The following BICC1 variants were observed in gnomAD, a reference collection of about 807,000 sequenced individuals.
BICC1 encodes the protein protein bicaudal C homolog 1.
A neutral mutation model predicts 111.0 loss-of-function variants in BICC1; 43 were observed. The ratio of observed to expected loss-of-function variants is 0.39; its 90% confidence interval spans 0.30 to 0.50. The LOEUF is 0.50. Ranked by LOEUF, BICC1 falls within the 20% of genes least tolerant of loss-of-function variation. BICC1 has a pLI of 0.88. For missense variants in BICC1, 1,091 were observed against 1,203.2 expected (o/e 0.91, Z 1.38); for synonymous variants, 467 against 434.4 (o/e 1.07, Z -0.93).
At chr10:58,651,212 C>A (rs910875006) in intron 2 of BICC1, among the ~76,000 whole-genome samples, 3 of 152,190 alleles carry the variant, frequency 2.0e-5, no homozygotes, top group African/African-American at 7.2e-5. Flanking sequence ...CAAATACTTC[C>A]TCTGCACAGT....
chr10:58,674,052 A>G (rs1288578857), intron 2 of BICC1, among the ~76,000 whole-genome samples: 1 of 152,228 alleles, frequency 6.6e-6, no homozygotes, highest in Non-Finnish European at 1.5e-5. Flanking sequence ...GTTTTGAAAT[A>G]AATCATTTAG....
intron 2 of BICC1, among the ~76,000 whole-genome samples, chr10:58,647,596 A>G (rs890918589): frequency 2.0e-5 from 3 of 152,172 alleles, no homozygotes; most frequent in African/African-American, 7.2e-5. Flanking sequence ...CCTAAAAACC[A>G]TCATCTTCAC....
intron 3 of BICC1, among the ~76,000 whole-genome samples, chr10:58,769,402 GTGTATATATATA>G (rs748110252): frequency 1.1e-4 from 12 of 112,232 alleles, no homozygotes; most frequent in East Asian, 3.1e-4. Context: ...GTGTGTGTGT[GTGTATATATATA>G]TATATATATA....
intron 1 of BICC1, among the ~76,000 whole-genome samples, chr10:58,554,565 A>T (rs1843389988): frequency 6.6e-6 from 1 of 152,084 alleles, no homozygotes; most frequent in Non-Finnish European, 1.5e-5. Flanking sequence ...CTGTGATGTA[A>T]GTCAGGAGCA....
intron 1 of BICC1, among the ~76,000 whole-genome samples, chr10:58,592,037 TATA>T (rs1468162670): frequency 6.6e-6 from 1 of 152,242 alleles, no homozygotes; most frequent in Non-Finnish European, 1.5e-5. Flanking sequence ...CCATACCTTT[TATA>T]ATTTTATAAA....
chr10:58,775,488 T>G (rs1842726859), intron 3 of BICC1, among the ~76,000 whole-genome samples: 1 of 152,214 alleles, frequency 6.6e-6, no homozygotes, highest in South Asian at 2.1e-4. Flanking sequence ...TGTTAGCTCT[T>G]AGGTAACTTT....
At chr10:58,649,623 C>T (rs1838380904) in intron 2 of BICC1, among the ~76,000 whole-genome samples, 1 of 152,176 alleles carries the variant, frequency 6.6e-6, no homozygotes, top group African/African-American at 2.4e-5. Context: ...TAGAGAAGCA[C>T]TGGGAAGCAG....
chr10:58,696,928 C>T (rs935330665), intron 2 of BICC1, among the ~76,000 whole-genome samples: 2 of 152,112 alleles, frequency 1.3e-5, no homozygotes, highest in African/African-American at 4.8e-5. Context: ...TTCCCCCACC[C>T]CCCTGCTGAG....
chr10:58,823,579 T>G, intron 20 of BICC1: 1 of 985,064 alleles, frequency 1.0e-6, no homozygotes, highest in Non-Finnish European at 1.2e-6. Flanking sequence ...GTTTTTAATA[T>G]TTATTTTGAA....
intron 2 of BICC1, among the ~76,000 whole-genome samples, chr10:58,658,933 A>G (rs1838750706): frequency 6.6e-6 from 1 of 152,090 alleles, no homozygotes; most frequent in African/African-American, 2.4e-5. Context: ...CTAGAGTGTA[A>G]TTGGTTCTGC....
intron 2 of BICC1, among the ~76,000 whole-genome samples, chr10:58,700,727 C>G (rs761185432): frequency 6.6e-6 from 1 of 152,086 alleles, no homozygotes; most frequent in Admixed American, 6.5e-5. Flanking sequence ...CCTTTGACCT[C>G]GCAGTCAGAG....
chr10:58,760,257 A>G (rs984345544), intron 3 of BICC1, among the ~76,000 whole-genome samples: 2 of 152,156 alleles, frequency 1.3e-5, no homozygotes, highest in African/African-American at 2.4e-5. Context: ...GTAAATTACA[A>G]TCATGCAGGA....
intron 3 of BICC1, among the ~76,000 whole-genome samples, chr10:58,707,240 CAGTT>C (rs1463134259): frequency 1.5e-4 from 23 of 152,130 alleles, no homozygotes; most frequent in African/African-American, 5.3e-4. Context: ...AAATAGTAGA[CAGTT>C]CGTTTTGTTT....
At chr10:58,701,884 G>A (rs897417203) in intron 2 of BICC1, among the ~76,000 whole-genome samples, 190 bp from the exon 3 acceptor site, 6 of 151,668 alleles carry the variant, frequency 4.0e-5, no homozygotes, top group African/African-American at 1.5e-4. Context: ...ATTTCTAATA[G>A]ATTAAAGGCT....
chr10:58,766,702 C>T (rs1332005235), intron 3 of BICC1, among the ~76,000 whole-genome samples: 1 of 151,976 alleles, frequency 6.6e-6, no homozygotes. Context: ...AGGAGAGATG[C>T]ATTGAAGAGG....
intron 2 of BICC1, among the ~76,000 whole-genome samples, chr10:58,651,364 C>T (rs1047817550): frequency 5.9e-5 from 9 of 152,168 alleles, no homozygotes; most frequent in African/African-American, 9.7e-5. Context: ...TATGAAAAAC[C>T]GCCGGGGAAA....
intron 1 of BICC1, among the ~76,000 whole-genome samples, chr10:58,561,992 G>A (rs993642104): frequency 8.6e-5 from 13 of 152,046 alleles, no homozygotes; most frequent in Admixed American, 2.0e-4. Context: ...TTTGCTGTTA[G>A]TATGATGGGG....
At chr10:58,660,844 G>A (rs1838820410) in intron 2 of BICC1, among the ~76,000 whole-genome samples, 1 of 152,230 alleles carries the variant, frequency 6.6e-6, no homozygotes, top group Admixed American at 6.5e-5. Context: ...AAGGTTGAAA[G>A]CCACTGTATT....
At chr10:58,550,982 T>C (rs571391733) in intron 1 of BICC1, among the ~76,000 whole-genome samples, 29 of 152,314 alleles carry the variant, frequency 1.9e-4, no homozygotes, top group African/African-American at 7.0e-4. Flanking sequence ...ACATTCCACA[T>C]CCTGTTTGTT....
Sources: gnomAD v4.1 joint callset for allele counts (sites outside exome capture counted in the v4.1 genomes callset) on GRCh38, gnomAD v4.1.1 for gene constraint, MANE v1.5 for transcripts, NCBI Gene and HGNC (gene_info 2026-07-23, HGNC 2026-07-21) for gene names.